Variants in ASB15 observed in about 807,000 individuals in gnomAD.
ASB15 encodes the protein ankyrin repeat and SOCS box containing 15.
A neutral mutation model predicts 58.0 loss-of-function variants in ASB15; 54 were observed. The observed-to-expected ratio is 0.93, with a 90% CI of 0.75 to 1.17. The LOEUF (loss-of-function observed/expected upper bound fraction) is 1.17. Ranked by LOEUF, ASB15 falls within the 50% of genes most tolerant of loss-of-function variation. The pLI, the probability that ASB15 is intolerant of heterozygous loss-of-function variation, is 0.00. For synonymous variants in ASB15, 249 were observed against 262.4 expected, an observed-to-expected ratio of 0.95 and a Z score of 0.50; for missense variants, 680 against 707.4, an observed-to-expected ratio of 0.96 and a Z score of 0.44.
chr7:123,638,592 G>A lies in ASB15; in HGVS notation c.*1611G>A, dbSNP rs780523811. 6.6e-6 allele frequency: 1 copy of A among 152,042 alleles called. No individual in the cohort carries two copies. The highest frequency in any genetic ancestry group is 1.5e-5 in the Non-Finnish European group (1 of 68,036). The allele number at this position is 152,042 out of a possible 1,614,324, so 9.4% of individuals were successfully genotyped here. ...ACACTGCTCTCATTTCCCCATTGAC[G>A]AGTGAGAATTTCACTGTGGGCCATC... On this transcript the variant is annotated 3_prime_UTR_variant, in exon 12 of 12. Coordinates refer to ENST00000451215, the MANE Select transcript of ASB15 (RefSeq NM_001290258.2).
intron 1 of ASB15, among the ~76,000 whole-genome samples, chr7:123,575,741 T>C (rs1443514524): frequency 6.6e-6 from 1 of 151,912 alleles, no homozygotes; most frequent in Non-Finnish European, 1.5e-5. Flanking sequence ...AGTGATGCTT[T>C]GGAAAAATAT....
intron 5 of ASB15, 38 bp downstream of exon 5, chr7:123,616,311 G>A: frequency 1.2e-6 from 2 of 1,609,722 alleles, no homozygotes; most frequent in Non-Finnish European, 1.7e-6. Flanking sequence ...ATGGACTGGA[G>A]ATTCCACCTT....
At chr7:123,570,919 G>T (rs1798892802) in intron 1 of ASB15, among the ~76,000 whole-genome samples, 1 of 152,104 alleles carries the variant, frequency 6.6e-6, no homozygotes, top group African/African-American at 2.4e-5. Flanking sequence ...AAACTTACCA[G>T]CTGTACGGCC....
At chr7:123,579,581 T>G (rs1208380711) in intron 1 of ASB15, among the ~76,000 whole-genome samples, 1 of 152,064 alleles carries the variant, frequency 6.6e-6, no homozygotes, top group African/African-American at 2.4e-5. Flanking sequence ...AATAGATAAT[T>G]GCAGTCAAAA....
rs1298015445 is a variant in ASB15 at position 123,628,728 on chromosome 7, A to G, written c.870-136A>G. Reference sequence around the variant, plus strand: ...TTGTACCTCGGCAGACAAAGGTTAAATGTTTCAGTATAAAGTTATCTAGAG... The same window carrying G: ...TTGTACCTCGGCAGACAAAGGTTAAGTGTTTCAGTATAAAGTTATCTAGAG... On this transcript the variant is annotated intron_variant, in intron 9 of 11. Coordinates refer to ENST00000451215, the MANE Select transcript of ASB15 (RefSeq NM_001290258.2). 3 of 551,992 alleles carry G rather than the reference A, an allele frequency of 5.4e-6. No individual in the cohort carries two copies. The Admixed American group carries it at 1.1e-4, about 21-fold the overall frequency. The allele number at this position is 551,992 out of a possible 1,614,324, so 34.2% of individuals were successfully genotyped here. A position where few individuals can be genotyped will look rare whatever the true frequency, so the allele number is the denominator to read the frequency against.
chr7:123,635,929 G>A (rs1259123308), intron 11 of ASB15, among the ~76,000 whole-genome samples: 1 of 152,074 alleles, frequency 6.6e-6, no homozygotes, highest in Non-Finnish European at 1.5e-5. Flanking sequence ...ATAGAGATGT[G>A]ATCATGTTTA....
At chr7:123,597,328 T>C (rs1455761478), upstream of ASB15, among the ~76,000 whole-genome samples, 1 of 152,214 alleles carries the variant, frequency 6.6e-6, no homozygotes, top group Non-Finnish European at 1.5e-5. Flanking sequence ...TCAAGGAACC[T>C]TTATTTTATT....
chr7:123,620,342 C>G (rs1210449620), intron 7 of ASB15: 1 of 151,086 alleles, frequency 6.6e-6, no homozygotes, highest in Non-Finnish European at 1.5e-5. Context: ...ACTGAGAAAC[C>G]AATCATAGTC....
chr7:123,615,208 T>C (rs74734256), intron 4 of ASB15: 11,236 of 152,208 alleles, frequency 0.074, 468 homozygotes, highest in African/African-American at 0.093. Flanking sequence ...TACCTAAAAG[T>C]GATGTATTAT....
In ASB15 at chr7:123,636,819, T is replaced by A. The variant is rs1802451740; in HGVS notation, c.1605T>A (p.Cys535Ter). The A allele has an allele frequency of 3.1e-6, 5 of 1,602,324 alleles. No homozygotes were observed. Among genetic ancestry groups the A allele is most frequent in the Non-Finnish European group, 3.4e-6 (4 of 1,176,714 alleles). The stretch of plus-strand genomic sequence containing the variant: ...CCCGATTTCTTTTAGAGAATCCTTG[T>A]TCATTGAAGCATTTGTGTCGGTTAA... ...PEIRQILENP[C>*]SLKHLCRLKI... Residue 535 changes from cysteine to a stop codon, truncating the protein, a stop_gained, in exon 12 of 12, where the codon TGT becomes TGA. Transcript: ENST00000451215. LOFTEE classifies it high-confidence loss of function.
intron 1 of ASB15, among the ~76,000 whole-genome samples, chr7:123,591,230 T>A (rs1334615161): frequency 1.3e-5 from 2 of 152,202 alleles, no homozygotes; most frequent in African/African-American, 4.8e-5. Flanking sequence ...AAATATAAAA[T>A]CATGTCATCT....
intron 4 of ASB15, among the ~76,000 whole-genome samples, chr7:123,615,011 C>G (rs980249652): frequency 1.3e-5 from 2 of 152,148 alleles, no homozygotes; most frequent in African/African-American, 4.8e-5. Flanking sequence ...ACAGCTAACC[C>G]TTTATAGGTA....
intron 7 of ASB15, among the ~76,000 whole-genome samples, chr7:123,620,562 T>A (rs1302183561): frequency 1.0e-3 from 38 of 37,386 alleles, no homozygotes; most frequent in Non-Finnish European, 1.8e-3. Flanking sequence ...ATATTTTTTT[T>A]TTTTTTTTTT....
At chr7:123,573,250 C>A (rs147496130) in intron 1 of ASB15, among the ~76,000 whole-genome samples, 31 of 150,794 alleles carry the variant, frequency 2.1e-4, no homozygotes, top group East Asian at 3.9e-4. Flanking sequence ...AAGCTTCCCC[C>A]CCGCCTCCCC....
chr7:123,586,816 C>T (rs530228251), intron 1 of ASB15, among the ~76,000 whole-genome samples: 23 of 151,844 alleles, frequency 1.5e-4, no homozygotes, highest in African/African-American at 5.5e-4. Context: ...ATCGTTTCCT[C>T]ATTGTGTATT....
At chr7:123,623,226 G>A (rs573336661) in intron 7 of ASB15, 2 of 152,322 alleles carry the variant, frequency 1.3e-5, no homozygotes, top group South Asian at 4.1e-4. Context: ...AATAGGAAAT[G>A]AGTGAGTGAA....
At chr7:123,599,815 C>A (rs925151892), upstream of ASB15, among the ~76,000 whole-genome samples, 2 of 152,074 alleles carry the variant, frequency 1.3e-5, no homozygotes, top group Non-Finnish European at 2.9e-5. Flanking sequence ...ATTTTGTATA[C>A]CTTCCTTGGA....
At chr7:123,586,949 G>GTCTTTGTATTATAATTTGAAA (rs1799391557) in intron 1 of ASB15, among the ~76,000 whole-genome samples, 1 of 143,912 alleles carries the variant, frequency 6.9e-6, no homozygotes, top group African/African-American at 2.9e-5. Context: ...CTATATCTTT[G>GTCTTTGTATTATAATTTGAAA]TCTTTGTATT....
rs1327662414 is a variant in ASB15 at position 123,626,872 on chromosome 7, G to A, written c.698-238G>A. ...CCTGCTTCAGACTCCTGGGTAGCTG[G>A]GACTACAGGTGCACGCCACCGTGCC... On this transcript the variant is annotated intron_variant, in intron 8 of 11. Coordinates refer to ENST00000451215, the MANE Select transcript of ASB15 (RefSeq NM_001290258.2). Among the ~76,000 whole-genome samples the A allele has an allele frequency of 2.6e-5, 4 of 152,112 alleles. No individual in the cohort carries two copies. The East Asian group carries it at 7.7e-4, about 29-fold the overall frequency.
Sources: gnomAD v4.1 joint callset for allele counts (sites outside exome capture counted in the v4.1 genomes callset) on GRCh38, gnomAD v4.1.1 for gene constraint, MANE v1.5 for transcripts, NCBI Gene and HGNC (gene_info 2026-07-23, HGNC 2026-07-21) for gene names.